SLC25A26: variants seen among roughly 807,000 people sequenced by gnomAD.
The protein encoded by SLC25A26 is solute carrier family 25 member 26.
SLC25A26 carries 36 observed loss-of-function variants against 37.8 expected under a neutral mutation model. The observed-to-expected ratio is 0.95, with a 90% confidence interval of 0.73 to 1.26. The LOEUF (loss-of-function observed/expected upper bound fraction) is 1.26, where lower values mean the gene tolerates loss of function less well. Ranked by LOEUF, SLC25A26 falls within the 50% of genes most tolerant of loss-of-function variation. The pLI, the probability that SLC25A26 is intolerant of heterozygous loss-of-function variation, is 0.00. For missense variants in SLC25A26, 390 were observed against 331.1 expected (o/e 1.18, Z -1.38); for synonymous variants, 129 against 122.5 (o/e 1.05, Z -0.35).
intron 3 of SLC25A26, among the ~76,000 whole-genome samples, chr3:66,253,814 A>G (rs555094115): frequency 6.6e-6 from 1 of 152,336 alleles, no homozygotes; most frequent in African/African-American, 2.4e-5. Context: ...GTGGGAATCT[A>G]TAAATCCATC....
chr3:66,291,590 C>G (rs2074710351), intron 5 of SLC25A26, among the ~76,000 whole-genome samples: 1 of 152,114 alleles, frequency 6.6e-6, no homozygotes, highest in Non-Finnish European at 1.5e-5. Context: ...GCAGGTTGTT[C>G]AGTTTCCATG....
chr3:66,170,596 G>C (rs2070481215), intron 1 of SLC25A26, among the ~76,000 whole-genome samples: 1 of 152,012 alleles, frequency 6.6e-6, no homozygotes, highest in African/African-American at 2.4e-5. Context: ...AAGAATCATT[G>C]CCATTTTATA....
chr3:66,262,749 G>A (rs1264538057), intron 4 of SLC25A26, among the ~76,000 whole-genome samples: 1 of 152,172 alleles, frequency 6.6e-6, no homozygotes, highest in Non-Finnish European at 1.5e-5. Flanking sequence ...TTACATAGGT[G>A]AGGAGACATT....
chr3:66,218,045 TTC>T (rs1282443153), upstream of SLC25A26, among the ~76,000 whole-genome samples: 4 of 152,232 alleles, frequency 2.6e-5, no homozygotes, highest in Admixed American at 2.0e-4. Flanking sequence ...TTTATATACT[TTC>T]TGTCACTATA....
chr3:66,205,968 T>G (rs2071170805), intron 1 of SLC25A26, among the ~76,000 whole-genome samples: 2 of 152,158 alleles, frequency 1.3e-5, no homozygotes, highest in Non-Finnish European at 2.9e-5. Context: ...AAAGTATGCG[T>G]AATAGAGCAG....
chr3:66,197,146 C>A (rs2071055156), intron 1 of SLC25A26, among the ~76,000 whole-genome samples: 1 of 152,088 alleles, frequency 6.6e-6, no homozygotes, highest in Non-Finnish European at 1.5e-5. Flanking sequence ...TGTAAGAAGG[C>A]TGAGCTGGTT....
chr3:66,238,113 A>G (rs945824854), intron 2 of SLC25A26, among the ~76,000 whole-genome samples: 1 of 152,200 alleles, frequency 6.6e-6, no homozygotes, highest in Admixed American at 6.5e-5. Flanking sequence ...AGTTTTAAGT[A>G]CGTGAGAGGG....
At chr3:66,291,134 T>G (rs1017784551) in intron 5 of SLC25A26, among the ~76,000 whole-genome samples, 1 of 152,320 alleles carries the variant, frequency 6.6e-6, no homozygotes, top group South Asian at 2.1e-4. Flanking sequence ...GATAGTAGTT[T>G]GTATTTCTGT....
In SLC25A26 at chr3:66,181,780, CT is replaced by C. The variant is rs922019884; in HGVS notation, c.-353-38939del. Among the ~76,000 whole-genome samples, 774 of 97,034 alleles carry C rather than the reference CT, an allele frequency of 8.0e-3. 6 individuals are homozygous for C. The highest frequency in any genetic ancestry group is 0.024 in the African/African-American group (587 of 24,422). The allele number at this position is 97,034 out of a possible 152,430, so 63.7% of individuals were successfully genotyped here. A position where few individuals can be genotyped will look rare whatever the true frequency, so the allele number is the denominator to read the frequency against. On this transcript the variant is annotated intron_variant, in intron 1 of 10. Transcript: ENST00000676754. ...TCCTTCCCTGATCCCCTCCCCTTGTCTTTTTTTTTTTTTTTTTTTTTTTCAC... is the reference window on the plus strand; with the variant it reads ...TCCTTCCCTGATCCCCTCCCCTTGTCTTTTTTTTTTTTTTTTTTTTTTCAC...
intron 1 of SLC25A26, among the ~76,000 whole-genome samples, chr3:66,159,271 A>G (rs1374614467): frequency 6.6e-6 from 1 of 152,206 alleles, no homozygotes; most frequent in Non-Finnish European, 1.5e-5. Flanking sequence ...TGTTCCTTCT[A>G]GGGAATGCTA....
intron 1 of SLC25A26, among the ~76,000 whole-genome samples, chr3:66,215,978 A>G (rs1257915507): frequency 6.6e-6 from 1 of 152,192 alleles, no homozygotes; most frequent in Non-Finnish European, 1.5e-5. Context: ...TCCTGCTTCC[A>G]AGATGGTACT....
At chr3:66,313,578 G>T (rs867889425) in intron 5 of SLC25A26, among the ~76,000 whole-genome samples, 6 of 152,054 alleles carry the variant, frequency 3.9e-5, no homozygotes, top group Non-Finnish European at 8.8e-5. Context: ...TGTTCTTTTT[G>T]CTTAGGATTG....
chr3:66,268,636 TTGGTACTC>T (rs1420904649), intron 5 of SLC25A26, among the ~76,000 whole-genome samples: 1 of 152,164 alleles, frequency 6.6e-6, no homozygotes, highest in Non-Finnish European at 1.5e-5. Context: ...ACTAGGATGA[TTGGTACTC>T]TGGTAACTGA....
At chr3:66,136,073 AATATTTC>A (rs760373271) in intron 1 of SLC25A26, among the ~76,000 whole-genome samples, 64 of 152,364 alleles carry the variant, frequency 4.2e-4, no homozygotes, top group Admixed American at 1.2e-3. Flanking sequence ...TAGTAATGCA[AATATTTC>A]TTGTTCATAA....
chr3:66,319,742 A>ATTTT (rs1173190812), intron 5 of SLC25A26, among the ~76,000 whole-genome samples: 2 of 126,700 alleles, frequency 1.6e-5, no homozygotes, highest in East Asian at 2.5e-4. Context: ...CAGCAATTAA[A>ATTTT]TCTTTTTTTT....
intron 5 of SLC25A26, among the ~76,000 whole-genome samples, chr3:66,277,240 A>G (rs2074183647): frequency 1.3e-5 from 2 of 152,168 alleles, no homozygotes; most frequent in African/African-American, 4.8e-5. Context: ...TCTGTATGAT[A>G]TTGAAGCAAA....
intron 7 of SLC25A26, among the ~76,000 whole-genome samples, chr3:66,368,982 C>T (rs1327816051): frequency 7.1e-6 from 1 of 140,384 alleles, no homozygotes; most frequent in Non-Finnish European, 1.5e-5. Context: ...GATCACACCA[C>T]TGCACTCCAG....
intron 9 of SLC25A26, 42 bp from the exon 10 acceptor site, chr3:66,377,648 T>A: frequency 6.6e-7 from 1 of 1,518,300 alleles, no homozygotes; most frequent in South Asian, 1.1e-5. Flanking sequence ...TAACCTTTTT[T>A]TAAAATACGC....
Position 66,378,856 on chromosome 3 carries a change from A to G in SLC25A26, c.*1049A>G, listed in dbSNP as rs1479477494. ...TCAATGCCATTTGTTAGACACTTCAATATTTTACATGGTTTTCAATGTACA... is the reference window on the plus strand; with the variant it reads ...TCAATGCCATTTGTTAGACACTTCAGTATTTTACATGGTTTTCAATGTACA... On this transcript the variant is annotated 3_prime_UTR_variant, in exon 10 of 10. Transcript: ENST00000354883. 3.9e-5 allele frequency: 6 copies of G among 152,636 alleles called. No individual in the cohort carries two copies. Among genetic ancestry groups the G allele is most frequent in the Non-Finnish European group, 1.5e-5 (1 of 68,040 alleles). The allele number at this position is 152,636 out of a possible 1,614,324, so 9.5% of individuals were successfully genotyped here.
Sources: allele counts gnomAD v4.1 joint callset (sites outside exome capture counted in the v4.1 genomes callset), GRCh38; gene constraint gnomAD v4.1.1; transcripts MANE v1.5; gene names NCBI Gene and HGNC (gene_info 2026-07-23, HGNC 2026-07-21).